Variants in CADPS observed in about 807,000 individuals in gnomAD.
CADPS encodes the protein calcium-dependent secretion activator 1.
A neutral mutation model predicts 167.3 loss-of-function variants in CADPS; 57 were observed. The ratio of observed to expected loss-of-function variants is 0.34; its 90% CI spans 0.28 to 0.42. CADPS has a LOEUF of 0.42. Among genes scored for constraint, CADPS ranks in the 20% least tolerant of loss-of-function variants. The pLI is 1.00. For missense variants in CADPS, 1,414 were observed against 1,738.1 expected (o/e 0.81, Z 3.32); for synonymous variants, 676 against 635.3 (o/e 1.06, Z -0.96).
chr3:62,750,352 C>A (rs1395462930), intron 3 of CADPS, among the ~76,000 whole-genome samples: 1 of 5,140 alleles, frequency 1.9e-4, no homozygotes. Context: ...CTCTTAAGCT[C>A]CAAAAAAAAA....
At chr3:62,583,739 C>T (rs2083961551) in intron 8 of CADPS, among the ~76,000 whole-genome samples, 1 of 150,308 alleles carries the variant, frequency 6.7e-6, no homozygotes, top group African/African-American at 2.5e-5. Flanking sequence ...TCTCTGGTGC[C>T]CTGACTGGTA....
At chr3:62,823,748 C>G (rs2073461251) in intron 1 of CADPS, among the ~76,000 whole-genome samples, 1 of 152,142 alleles carries the variant, frequency 6.6e-6, no homozygotes, top group Non-Finnish European at 1.5e-5. Context: ...TGAGGTAAGC[C>G]TTAATCTCTT....
At chr3:62,586,339 G>A (rs2084628474) in intron 7 of CADPS, among the ~76,000 whole-genome samples, 4 of 152,128 alleles carry the variant, frequency 2.6e-5, no homozygotes, top group Admixed American at 2.6e-4. Context: ...CACCTCTGGA[G>A]GTGGCCGTGA....
At chr3:62,588,488 A>T (rs1021710063) in intron 7 of CADPS, among the ~76,000 whole-genome samples, 3 of 152,126 alleles carry the variant, frequency 2.0e-5, no homozygotes, top group Non-Finnish European at 4.4e-5. Flanking sequence ...GTTGGGAAGG[A>T]TGCAGGAAAA....
At chr3:62,873,542 C>A (rs967566835) in intron 1 of CADPS, among the ~76,000 whole-genome samples, 1 of 152,024 alleles carries the variant, frequency 6.6e-6, no homozygotes, top group Non-Finnish European at 1.5e-5. Flanking sequence ...GTCCCCACCC[C>A]CCGCCACTGC....
chr3:62,405,975 G>C (rs1268744406), intron 28 of CADPS, among the ~76,000 whole-genome samples: 1 of 152,158 alleles, frequency 6.6e-6, no homozygotes, highest in Non-Finnish European at 1.5e-5. Context: ...ATCTGTTGTA[G>C]AGGAGGAAAC....
chr3:62,536,496 C>A lies in CADPS; in HGVS notation c.2052G>T (p.Met684Ile), dbSNP rs770518891. 3.4e-5 allele frequency: 55 copies of A among 1,613,220 alleles called. No homozygotes were observed. The highest frequency in any genetic ancestry group is 4.2e-5 in the Non-Finnish European group (50 of 1,179,438). Residue 684 changes from methionine (M) to isoleucine (I), a missense_variant, in exon 12 of 30, where the codon ATG becomes ATT. Met to Ile is a conservative substitution (Grantham distance 10). This residue lies in a region of CADPS where 529 missense variants were observed against 629.6 expected (regional missense o/e 0.84). Transcript: ENST00000383710. ...TGTGATCCAAAGTAAGGCGTTGTACCATCTCAAAGAGGGAAGCGTGGTCAA... is the reference window on the plus strand; with the variant it reads ...TGTGATCCAAAGTAAGGCGTTGTACAATCTCAAAGAGGGAAGCGTGGTCAA... Reference protein sequence around the residue: ...CNFDHASLFEMVQRLTLDHRL... With the variant: ...CNFDHASLFEIVQRLTLDHRL...
chr3:62,845,617 G>A (rs974513992), intron 1 of CADPS, among the ~76,000 whole-genome samples: 2 of 152,116 alleles, frequency 1.3e-5, no homozygotes, highest in African/African-American at 2.4e-5. Context: ...ATTCTCTGTT[G>A]CCCTGAAGGT....
chr3:62,846,051 TTTGC>T (rs2077374781), intron 1 of CADPS, among the ~76,000 whole-genome samples: 1 of 85,086 alleles, frequency 1.2e-5, no homozygotes, highest in African/African-American at 4.3e-5. Context: ...CATTTCCCCC[TTTGC>T]TCTCTCTCTC....
chr3:62,603,434 A>T (rs1393436605), intron 6 of CADPS, among the ~76,000 whole-genome samples: 1 of 152,240 alleles, frequency 6.6e-6, no homozygotes, highest in East Asian at 1.9e-4. Context: ...AGTGCTCAGT[A>T]CAGAGGAAAC....
At chr3:62,657,751 C>T (rs4688303) in intron 4 of CADPS, among the ~76,000 whole-genome samples, 40,532 of 152,032 alleles carry the variant, frequency 0.27, 6,469 homozygotes, top group East Asian at 0.68. Context: ...ATTGAACTGA[C>T]AGATTACACT....
chr3:62,726,164 A>G (rs936233865), intron 3 of CADPS, among the ~76,000 whole-genome samples: 1 of 151,742 alleles, frequency 6.6e-6, no homozygotes, highest in African/African-American at 2.4e-5. Flanking sequence ...TGGGTAATTG[A>G]AGGATGGAGG....
chr3:62,791,231 C>T (rs951329271), intron 1 of CADPS, among the ~76,000 whole-genome samples: 10 of 152,144 alleles, frequency 6.6e-5, no homozygotes, highest in African/African-American at 2.4e-4. Context: ...GGTAGAAGTG[C>T]TCTATATCTG....
intron 13 of CADPS, among the ~76,000 whole-genome samples, chr3:62,521,952 C>G (rs148495807): frequency 6.6e-6 from 1 of 152,148 alleles, no homozygotes; most frequent in Non-Finnish European, 1.5e-5. Flanking sequence ...GGAATCCTTA[C>G]GTTGAATAAA....
At chr3:62,798,626 A>T (rs900797603) in intron 1 of CADPS, among the ~76,000 whole-genome samples, 5 of 152,136 alleles carry the variant, frequency 3.3e-5, no homozygotes, top group Non-Finnish European at 7.4e-5. Context: ...GAATACTAAT[A>T]CAAACAGGGA....
At chr3:62,467,376 C>A in intron 24 of CADPS, 1 of 835,652 alleles carries the variant, frequency 1.2e-6, no homozygotes, top group Non-Finnish European at 1.6e-6. Flanking sequence ...CAAATTAGGA[C>A]AAAAGGACAC....
At chr3:62,645,049 A>G (rs2068236691) in intron 6 of CADPS, among the ~76,000 whole-genome samples, 1 of 152,322 alleles carries the variant, frequency 6.6e-6, no homozygotes, top group Admixed American at 6.5e-5. Flanking sequence ...ATTATGTAAC[A>G]TACTACCTTG....
intron 22 of CADPS, 124 bp downstream of exon 22, chr3:62,481,599 C>T: frequency 1.1e-6 from 1 of 887,922 alleles, no homozygotes; most frequent in Non-Finnish European, 1.7e-6. Flanking sequence ...TCTGTATGAT[C>T]AGCAAAATAT....
chr3:62,669,672 T>C (rs2075162004), intron 3 of CADPS, among the ~76,000 whole-genome samples: 1 of 152,206 alleles, frequency 6.6e-6, no homozygotes, highest in Admixed American at 6.5e-5. Flanking sequence ...TGATTGGACC[T>C]CTCTGAGCCC....
Sources: gnomAD v4.1 joint callset for allele counts (sites outside exome capture counted in the v4.1 genomes callset) on GRCh38, gnomAD v4.1.1 for gene constraint, gnomAD v4.1.1 regional missense constraint, MANE v1.5 for transcripts, NCBI Gene and HGNC (gene_info 2026-07-23, HGNC 2026-07-21) for gene names.